The following LILRA6 variants were observed in gnomAD, a reference collection of about 807,000 sequenced individuals.
LILRA6 encodes leukocyte immunoglobulin like receptor A6, also known as leukocyte immunoglobulin-like receptor subfamily A member 6.
Under a neutral mutation model 53.9 loss-of-function variants are expected in LILRA6, and 16 were observed. The ratio of observed to expected loss-of-function variants is 0.30; its 90% CI spans 0.20 to 0.45. The LOEUF (loss-of-function observed/expected upper bound fraction) is 0.45. Ranked by LOEUF, LILRA6 falls within the 20% of genes least tolerant of loss-of-function variation. The pLI is 1.00. For missense variants in LILRA6, 306 were observed against 618.6 expected, an observed-to-expected ratio of 0.49 and a Z score of 5.36; for synonymous variants, 135 against 256.4, an observed-to-expected ratio of 0.53 and a Z score of 4.52.
chr19:54,239,161 AC>A, intron 7 of LILRA6, 72 bp from the exon 8 acceptor site: 1 of 1,598,080 alleles, frequency 6.3e-7, no homozygotes, highest in Admixed American at 1.7e-5. Flanking sequence ...TGGATGCCCA[AC>A]CCAGGGCACC....
At chr19:54,240,526 C>T (rs1247078106) in exon 6 of LILRA6, 1 of 1,609,204 alleles carries the variant, frequency 6.2e-7, no homozygotes, top group Non-Finnish European at 8.5e-7. Context: ...TCTCCTGAGG[C>T]CACTGTGGGG....
chr19:54,236,844 G>A (rs11882761), downstream of LILRA6: 24,369 of 149,084 alleles, frequency 0.16, 865 homozygotes, highest in Middle Eastern at 0.21. Flanking sequence ...CTACAAAAGT[G>A]GGCCTTGTGA....
chr19:54,241,565 G>A lies in LILRA6; in HGVS notation c.658+11C>T. The A allele has an allele frequency of 6.9e-7, 1 of 1,455,016 alleles. No individual in the cohort carries two copies. Among genetic ancestry groups the A allele is most frequent in the East Asian group, 2.3e-5 (1 of 44,022 alleles). The allele number at this position is 1,455,016 out of a possible 1,614,324, so 90.1% of individuals were successfully genotyped here. A position where few individuals can be genotyped will look rare whatever the true frequency, so the allele number is the denominator to read the frequency against. ...CCGAAAGTGTGTTAGACAAGGCCGT[G>A]GCTCCCTCACCTGAGGGCAGAATCT... On this transcript the variant is annotated intron_variant, in intron 4 of 7. Coordinates refer to ENST00000396365, the Ensembl canonical transcript of LILRA6.
downstream of LILRA6, chr19:54,237,013 T>G (rs1280042861): frequency 1.3e-5 from 2 of 150,680 alleles, no homozygotes; most frequent in East Asian, 1.9e-4. Flanking sequence ...AGCAACAGAT[T>G]ATTGTATTTT....
downstream of LILRA6, chr19:54,236,964 A>C (rs2078648670): frequency 2.0e-5 from 3 of 150,954 alleles, no homozygotes. Flanking sequence ...AGAAGGAGTA[A>C]GTTCCAGGGC....
chr19:54,238,765 C>G (rs981895488), exon 8 of LILRA6: 9 of 1,059,812 alleles, frequency 8.5e-6, no homozygotes, highest in South Asian at 1.8e-5. Flanking sequence ...ACTGGGCATT[C>G]ACAACATAGA....
At chr19:54,239,821 G>A (rs1207687509) in intron 7 of LILRA6, 80 bp downstream of exon 7, 1 of 1,550,692 alleles carries the variant, frequency 6.4e-7, no homozygotes, top group East Asian at 2.4e-5. Flanking sequence ...CCGTCCTTGA[G>A]GGGAGGGGAG....
chr19:54,242,122 A>G (rs763672234), exon 3 of LILRA6: 3 of 1,392,020 alleles, frequency 2.2e-6, no homozygotes, highest in Admixed American at 3.8e-5. Flanking sequence ...TCTGTTATGG[A>G]TGGGATGGAG....
At chr19:54,242,160 G>A (rs773473052) in exon 3 of LILRA6, 1 of 1,411,796 alleles carries the variant, frequency 7.1e-7, no homozygotes, top group East Asian at 2.3e-5. Context: ...GGGTTCCAGT[G>A]GGTTATTTCT....
exon 6 of LILRA6, chr19:54,240,306 A>T (rs3193485): frequency 0.057 from 79,967 of 1,398,868 alleles, 1,139 homozygotes; most frequent in East Asian, 0.17. Context: ...CTCACTGGGG[A>T]AAGACAGCAG....
intron 7 of LILRA6, chr19:54,239,513 T>A (rs1051126241): frequency 4.1e-5 from 28 of 681,694 alleles, no homozygotes; most frequent in Non-Finnish European, 5.5e-5. Context: ...CTCCCTTCTT[T>A]CCTAGTGTCC....
At position 54,242,532 on chromosome 19, in the gene LILRA6, G is replaced by T. The variant is rs2078793397; in HGVS notation, c.57C>A (p.Thr19=). Residue 19 remains threonine (T), a synonymous_variant, in exon 2 of 8, where the codon ACC becomes ACA. Transcript: ENST00000396365. ...GGACAGACTCACCTGCCTGCACGTG[G>T]GTCCTGGGGCCCAGACTCAGCCCTG... The T allele has an allele frequency of 1.1e-5, 12 of 1,081,360 alleles. 4 individuals carry two copies. The highest frequency in any genetic ancestry group is 1.5e-5 in the Non-Finnish European group (12 of 786,800). The allele number at this position is 1,081,360 out of a possible 1,614,324, so 67.0% of individuals were successfully genotyped here.
downstream of LILRA6, chr19:54,236,695 A>G (rs1316874921): frequency 1.3e-5 from 2 of 151,092 alleles, no homozygotes; most frequent in East Asian, 3.9e-4. Context: ...TGTGGTCTAT[A>G]TACACAATGA....
exon 8 of LILRA6, chr19:54,238,966 G>A (rs889834431): frequency 6.2e-7 from 1 of 1,611,070 alleles, no homozygotes; most frequent in African/African-American, 1.4e-5. Context: ...CCTCCCGGCT[G>A]CATCTTGGGG....
chr19:54,240,853 GT>G lies in LILRA6; in HGVS notation c.932del (p.Asp311AlafsTer3). The stretch of plus-strand genomic sequence containing the variant: ...CACCTGCCATCAGGATGTTCAGGGG[GT>G]CGCTGGGGGCCGACCACTCGGAGGA... On this transcript the variant is annotated frameshift_variant, in exon 5 of 8. Transcript: ENST00000396365. LOFTEE classifies it high-confidence loss of function. 6.2e-7 allele frequency: 1 copy of G among 1,613,782 alleles called. No homozygotes were observed. Among genetic ancestry groups the G allele is most frequent in the Non-Finnish European group, 8.5e-7 (1 of 1,180,006 alleles).
chr19:54,240,897 A>G (rs748412695), exon 5 of LILRA6: 2 of 1,613,980 alleles, frequency 1.2e-6, no homozygotes, highest in African/African-American at 2.7e-5. Flanking sequence ...TGTGCACCAT[A>G]GCACCTGTAC....
At chr19:54,239,110 G>C (rs767404962) in intron 7 of LILRA6, 21 bp from the exon 8 acceptor site, 8 of 1,610,602 alleles carry the variant, frequency 5.0e-6, no homozygotes, top group South Asian at 1.1e-5. Context: ...TGGGCAAAGA[G>C]GTCACAGAGG....
exon 8 of LILRA6, chr19:54,238,769 A>G (rs1478886548): frequency 9.3e-7 from 1 of 1,080,882 alleles, no homozygotes; most frequent in Non-Finnish European, 1.3e-6. Context: ...GGCATTCACA[A>G]CATAGATTGG....
chr19:54,240,873 C>G, exon 5 of LILRA6: 13 of 1,613,968 alleles, frequency 8.1e-6, no homozygotes, highest in Non-Finnish European at 9.3e-6. Context: ...GCCGACCACT[C>G]GGAGGAGAGG....
Sources: allele counts gnomAD v4.1 joint callset, GRCh38; gene constraint gnomAD v4.1.1; transcripts MANE v1.5; gene names NCBI Gene and HGNC (gene_info 2026-07-23, HGNC 2026-07-21).